ITPR2: variants seen among roughly 807,000 people sequenced by gnomAD.
ITPR2 encodes inositol 1,4,5-trisphosphate-gated calcium channel ITPR2.
A neutral mutation model predicts 317.1 loss-of-function variants in ITPR2; 207 were observed. The ratio of observed to expected loss-of-function variants is 0.65; its 90% CI spans 0.58 to 0.73. The LOEUF is 0.73. ITPR2 is among the 30% of genes least tolerant of loss of function. The pLI, the probability that ITPR2 is intolerant of heterozygous loss-of-function variation, is 0.00. For synonymous variants in ITPR2, 1,156 were observed against 1,149.1 expected (o/e 1.01, Z -0.12); for missense variants, 2,613 against 3,284.0 (o/e 0.80, Z 4.99).
chr12:26,414,533 T>C (rs1019914346), intron 51 of ITPR2, among the ~76,000 whole-genome samples: 1 of 152,078 alleles, frequency 6.6e-6, no homozygotes, highest in African/African-American at 2.4e-5. Context: ...CTATGATTTC[T>C]ACCCAGCAAA....
At position 26,339,140 on chromosome 12, in the gene ITPR2, TG is replaced by T. The variant is rs1938017770; in HGVS notation, c.*256del. The T allele has an allele frequency of 2.6e-6, 1 of 389,992 alleles. No individual in the cohort carries two copies. The highest frequency in any genetic ancestry group is 4.6e-6 in the Non-Finnish European group (1 of 215,238). The allele number at this position is 389,992 out of a possible 1,614,324, so 24.2% of individuals were successfully genotyped here. On this transcript the variant is annotated 3_prime_UTR_variant, in exon 57 of 57. Coordinates refer to ENST00000381340, the MANE Select transcript of ITPR2 (RefSeq NM_002223.4). The stretch of plus-strand genomic sequence containing the variant: ...CCGCTCCCTGCCCTCTCCAGCCTTT[TG>T]GGCAAGCCTTTTCTTCCTGATGCAT...
intron 55 of ITPR2, among the ~76,000 whole-genome samples, chr12:26,355,322 C>A (rs761381626): frequency 6.6e-6 from 1 of 152,154 alleles, no homozygotes; most frequent in African/African-American, 2.4e-5. Context: ...TATGTAGAGA[C>A]AAGGACATTA....
intron 2 of ITPR2, among the ~76,000 whole-genome samples, chr12:26,727,018 T>C (rs774790854): frequency 6.6e-6 from 1 of 152,112 alleles, no homozygotes; most frequent in Non-Finnish European, 1.5e-5. Flanking sequence ...ATCTCATAGG[T>C]AGTAGAAAAC....
intron 52 of ITPR2, 96 bp from the exon 53 acceptor site, chr12:26,400,354 T>C (rs1165372097): frequency 7.3e-6 from 4 of 546,440 alleles, no homozygotes; most frequent in Non-Finnish European, 1.1e-5. Flanking sequence ...TAAATATACA[T>C]ACATATACAT....
chr12:26,763,976 A>G (rs936493283), intron 2 of ITPR2, among the ~76,000 whole-genome samples: 1 of 152,168 alleles, frequency 6.6e-6, no homozygotes, highest in Admixed American at 6.5e-5. Context: ...ACAGTAATCA[A>G]GACACTGTCA....
At chr12:26,773,724 G>C (rs374376272) in intron 2 of ITPR2, among the ~76,000 whole-genome samples, 2 of 152,142 alleles carry the variant, frequency 1.3e-5, no homozygotes, top group African/African-American at 4.8e-5. Flanking sequence ...CAATACAGAG[G>C]CTCAAGTATT....
In ITPR2 at chr12:26,665,905, T is replaced by C; in HGVS notation, c.1551+5A>G. The C allele has an allele frequency of 6.2e-7, 1 of 1,603,864 alleles. No individual in the cohort carries two copies. ...TATACAAATTTAGTACATGAAAAAA[T>C]TCACCTGTGCCAGTATGTTTTGTTC... On this transcript the variant is annotated splice_donor_5th_base_variant and intron_variant, in intron 14 of 56. Coordinates refer to ENST00000381340, the MANE Select transcript of ITPR2 (RefSeq NM_002223.4).
At chr12:26,811,940 T>A (rs1225074092) in intron 1 of ITPR2, among the ~76,000 whole-genome samples, 1 of 148,112 alleles carries the variant, frequency 6.8e-6, no homozygotes, top group East Asian at 2.1e-4. Flanking sequence ...AAGGGGCAGA[T>A]CACTTGAGGC....
At chr12:26,780,577 T>C (rs1437391225) in intron 2 of ITPR2, among the ~76,000 whole-genome samples, 1 of 152,222 alleles carries the variant, frequency 6.6e-6, no homozygotes, top group Non-Finnish European at 1.5e-5. Flanking sequence ...AACAGTGGAA[T>C]GGCCTTTTGA....
chr12:26,622,534 C>T lies in ITPR2; in HGVS notation c.3123-129G>A, dbSNP rs77028576. ...CCAAATTAGGAAGTGAACAGGAAAA[C>T]ATTTTCTTTGTTTTCCTCATGTAAC... On this transcript the variant is annotated intron_variant, in intron 24 of 56. Coordinates refer to ENST00000381340, the MANE Select transcript of ITPR2 (RefSeq NM_002223.4). 2,045 of 676,180 alleles carry T rather than the reference C, an allele frequency of 3.0e-3. 27 individuals are homozygous for T. In the African/African-American group the frequency reaches 0.031, roughly 10 times the overall value. The allele number at this position is 676,180 out of a possible 1,614,324, so 41.9% of individuals were successfully genotyped here. A position where few individuals can be genotyped will look rare whatever the true frequency, so the allele number is the denominator to read the frequency against.
At chr12:26,721,817 G>A (rs187459953) in intron 5 of ITPR2, among the ~76,000 whole-genome samples, 1 of 152,030 alleles carries the variant, frequency 6.6e-6, no homozygotes, top group East Asian at 1.9e-4. Context: ...GTCTTGCTAT[G>A]TTGCCCAGGC....
chr12:26,349,723 T>C (rs995547672), intron 55 of ITPR2, among the ~76,000 whole-genome samples: 10 of 152,212 alleles, frequency 6.6e-5, no homozygotes, highest in African/African-American at 2.2e-4. Flanking sequence ...GTCACTGCCG[T>C]GTTCCTGCCT....
chr12:26,630,020 GGTAGCAAAGGGA>G (rs1946712675), intron 22 of ITPR2, among the ~76,000 whole-genome samples: 1 of 152,130 alleles, frequency 6.6e-6, no homozygotes, highest in Non-Finnish European at 1.5e-5. Context: ...ACTGATTCTT[GGTAGCAAAGGGA>G]TTTGCAGGGC....
At position 26,669,582 on chromosome 12, in the gene ITPR2, T is replaced by C. The variant is rs569759841; in HGVS notation, c.1410-3531A>G. On this transcript the variant is annotated intron_variant, in intron 13 of 56. Coordinates refer to ENST00000381340, the MANE Select transcript of ITPR2 (RefSeq NM_002223.4). ...CGGGGGAGGAGCCAAGATGGCCGAA[T>C]AGGAACAGCTCGGGTCTACAGCTCC... Among the ~76,000 whole-genome samples, 9 of 152,286 alleles carry C rather than the reference T, an allele frequency of 5.9e-5. No homozygotes were observed. The East Asian group carries it at 9.6e-4, about 16-fold the overall frequency.
At chr12:26,798,983 T>C (rs1950506682) in intron 1 of ITPR2, among the ~76,000 whole-genome samples, 1 of 152,272 alleles carries the variant, frequency 6.6e-6, no homozygotes, top group Admixed American at 6.5e-5. Context: ...TTTATTGATT[T>C]TTAAATTTAA....
chr12:26,475,225 A>G, intron 45 of ITPR2, 71 bp downstream of exon 45: 3 of 1,552,934 alleles, frequency 1.9e-6, no homozygotes, highest in Non-Finnish European at 2.7e-6. Context: ...ACTTGAAAAT[A>G]TGACAAGCCA....
At chr12:26,600,832 T>G (rs1264275009) in intron 28 of ITPR2, among the ~76,000 whole-genome samples, 1 of 152,094 alleles carries the variant, frequency 6.6e-6, no homozygotes, top group East Asian at 1.9e-4. Flanking sequence ...TATATATATT[T>G]ATTACTCACT....
intron 13 of ITPR2, among the ~76,000 whole-genome samples, chr12:26,673,478 T>G (rs1259528897): frequency 1.3e-5 from 2 of 152,062 alleles, no homozygotes; most frequent in Non-Finnish European, 2.9e-5. Context: ...GAAAAGGCCT[T>G]TGACAAAATT....
intron 2 of ITPR2, among the ~76,000 whole-genome samples, chr12:26,736,740 C>T (rs1949124984): frequency 6.6e-6 from 1 of 152,180 alleles, no homozygotes. Context: ...GGCGGAAAAG[C>T]TGATGCCGCC....
Sources: gnomAD v4.1 joint callset for allele counts (sites outside exome capture counted in the v4.1 genomes callset) on GRCh38, gnomAD v4.1.1 for gene constraint, MANE v1.5 for transcripts, NCBI Gene and HGNC (gene_info 2026-07-23, HGNC 2026-07-21) for gene names.